The following BAZ2A variants were observed in gnomAD, a reference collection of about 807,000 sequenced individuals.
BAZ2A encodes bromodomain adjacent to zinc finger domain 2A, also known as bromodomain adjacent to zinc finger domain protein 2A.
In BAZ2A, 34 loss-of-function variants were observed where a neutral mutation model predicts 199.9. The observed-to-expected ratio is 0.17, with a 90% CI of 0.13 to 0.23. The LOEUF (loss-of-function observed/expected upper bound fraction) is 0.23, where lower values mean the gene tolerates loss of function less well. Ranked by LOEUF, BAZ2A falls within the 10% of genes least tolerant of loss-of-function variation. The probability of loss-of-function intolerance (pLI) is 1.00; values close to 1 mark genes in which losing one functional copy is unlikely to be tolerated. For synonymous variants in BAZ2A, 857 were observed against 883.9 expected, an observed-to-expected ratio of 0.97 and a Z score of 0.54; for missense variants, 2,002 against 2,391.1, an observed-to-expected ratio of 0.84 and a Z score of 3.39.
intron 5 of BAZ2A, 29 bp from the exon 6 acceptor site, chr12:56,612,275 TAAA>T (rs749609490): frequency 4.0e-6 from 5 of 1,253,346 alleles, no homozygotes; most frequent in Non-Finnish European, 3.3e-6. Context: ...GGATAGGCTT[TAAA>T]AAAAAAAAAG....
At chr12:56,632,809 G>A (rs927609167), upstream of BAZ2A, among the ~76,000 whole-genome samples, 3 of 152,112 alleles carry the variant, frequency 2.0e-5, no homozygotes, top group African/African-American at 7.2e-5. Context: ...AGGTTGGGGT[G>A]ACAGTGTGCC....
chr12:56,599,085 G>A, intron 27 of BAZ2A, 44 bp downstream of exon 27: 1 of 1,598,044 alleles, frequency 6.3e-7, no homozygotes, highest in Non-Finnish European at 8.5e-7. Context: ...CTTTCCTCTG[G>A]CAGAGGTAGA....
rs1885810270 is a variant in BAZ2A, at chr12:56,596,194, C to T, written c.*2424G>A. The T allele has an allele frequency of 6.5e-6, 1 of 152,856 alleles. No homozygotes were observed. Among genetic ancestry groups the T allele is most frequent in the South Asian group, 2.1e-4 (1 of 4,830 alleles). 9.5% of individuals were successfully genotyped at this position (152,856 alleles called of 1,614,324 possible). The stretch of plus-strand genomic sequence containing the variant: ...TTTTGCTGTAAAAGGAACACAGAAA[C>T]TTGTTGGTGTTGATGGTGTGGTTTC... On this transcript the variant is annotated 3_prime_UTR_variant, in exon 29 of 29. Coordinates refer to ENST00000549884, the MANE Select transcript of BAZ2A (RefSeq NM_001300905.2).
chr12:56,604,558 T>C, intron 15 of BAZ2A, 27 bp downstream of exon 15: 2 of 1,544,806 alleles, frequency 1.3e-6, no homozygotes, highest in Non-Finnish European at 1.8e-6. Flanking sequence ...AGGGATACAA[T>C]GACCATCCCC....
intron 1 of BAZ2A, among the ~76,000 whole-genome samples, chr12:56,622,790 T>C (rs1950960416): frequency 6.6e-6 from 1 of 152,214 alleles, no homozygotes; most frequent in Admixed American, 6.5e-5. Context: ...TAAATGGATC[T>C]TTTAAGAGCT....
chr12:56,609,844 T>C lies in BAZ2A; in HGVS notation c.1984A>G (p.Lys662Glu), dbSNP rs1466016594. ...CCCCGTTTCACCTTGGGGACTTCCT[T>C]AGTCTTAGCCTTCTCAGTGTTTCGA... ...RPRNTEKAKT[K>E]EVPKVKRGRG... is the part of the protein sequence containing the mutation. The change falls in exon 10 of 29, where the codon AAG becomes GAG. Residue 662 changes from lysine (K) to glutamate (E), a missense_variant. By Grantham distance (56) the Lys-to-Glu change is moderately conservative. Transcript: ENST00000549884. 1.2e-6 allele frequency: 2 copies of C among 1,613,850 alleles called. No homozygotes were observed. Among genetic ancestry groups the C allele is most frequent in the Admixed American group, 1.7e-5 (1 of 60,012 alleles).
rs376866712 is a variant in BAZ2A, at chr12:56,598,628, G to C, written c.5702C>G (p.Ala1901Gly). ...RWEEFYQGKQ[A>G]NL ...CCCACCTCCCTTGCCTCACAGATTG[G>C]CCTGTTTTCCCTGATAAAACTCCTC... Residue 1901 changes from alanine to glycine, a missense_variant, in exon 29 of 29, where the codon GCC (alanine) becomes GGC (glycine). Transcript: ENST00000549884. The C allele has an allele frequency of 2.5e-4, 408 of 1,613,576 alleles. No homozygotes were observed. Among genetic ancestry groups the C allele is most frequent in the Non-Finnish European group, 3.3e-4 (389 of 1,179,828 alleles).
chr12:56,633,811 C>T (rs773398388), upstream of BAZ2A, among the ~76,000 whole-genome samples: 15 of 152,170 alleles, frequency 9.9e-5, no homozygotes, highest in African/African-American at 3.1e-4. Flanking sequence ...GATCTCAGCT[C>T]GCTGCAACCT....
At chr12:56,625,855 G>GACACAGCGAA (rs1951077941) in intron 1 of BAZ2A, among the ~76,000 whole-genome samples, 1 of 119,472 alleles carries the variant, frequency 8.4e-6, no homozygotes, top group Non-Finnish European at 1.6e-5. Flanking sequence ...CAGCCTGGGC[G>GACACAGCGAA]ACACAGCGAA....
At chr12:56,630,338 G>C (rs1046008463), upstream of BAZ2A, 5 of 956,124 alleles carry the variant, frequency 5.2e-6, no homozygotes, top group Admixed American at 2.5e-4. Context: ...AGTCGGAGCC[G>C]GAGGGGGCGG....
chr12:56,616,241 C>A (rs1950719769), intron 2 of BAZ2A, among the ~76,000 whole-genome samples: 1 of 152,068 alleles, frequency 6.6e-6, no homozygotes, highest in South Asian at 2.1e-4. Context: ...TTTGCAGACT[C>A]CCTACAGTGA....
rs747900336 is a variant in BAZ2A at position 56,600,092 on chromosome 12, A to T, written c.4897T>A (p.Tyr1633Asn). ...ACACGAATGCGAGGGGTGATCTCAT[A>T]TGATCTGGAGGGAGAAAGTGGTGAT... ...APEGTTTEIS[Y>N]EITPRIRVWR... The change falls in exon 25 of 29, where the codon TAT becomes AAT. Residue 1633 changes from tyrosine to asparagine, a missense_variant. Coordinates refer to ENST00000549884, the MANE Select transcript of BAZ2A (RefSeq NM_001300905.2). 4.3e-6 allele frequency: 7 copies of T among 1,613,882 alleles called. No homozygotes were observed. Among genetic ancestry groups the T allele is most frequent in the Non-Finnish European group, 5.1e-6 (6 of 1,179,882 alleles).
At position 56,615,326 on chromosome 12, in the gene BAZ2A, G is replaced by T. The variant is rs761674707; in HGVS notation, c.418C>A (p.Leu140Ile). 3 of 1,613,814 alleles carry T rather than the reference G, an allele frequency of 1.9e-6. No individual in the cohort carries two copies. The South Asian group carries it at 3.3e-5, about 18-fold the overall frequency. Reference protein sequence around the residue: ...QPSSPSHNTNLRAGSQEFWAN... With the variant: ...QPSSPSHNTNIRAGSQEFWAN... Reference sequence around the variant, plus strand: ...CAGAACTCTTGGCTCCCAGCCCGAAGGTTAGTGTTATGACTTGGGGATGAA... The same window carrying T: ...CAGAACTCTTGGCTCCCAGCCCGAATGTTAGTGTTATGACTTGGGGATGAA... Residue 140 changes from leucine to isoleucine, a missense_variant, in exon 3 of 29, where the codon CTT (leucine) becomes ATT (isoleucine). Physicochemically the swap from Leu to Ile is conservative, Grantham distance 5 (BLOSUM62 2). This residue lies in a region of BAZ2A where 641 missense variants were observed against 694.5 expected (regional missense o/e 0.92). Coordinates refer to ENST00000549884, the MANE Select transcript of BAZ2A (RefSeq NM_001300905.2).
intron 10 of BAZ2A, among the ~76,000 whole-genome samples, chr12:56,608,534 T>C (rs1592579312): frequency 6.6e-6 from 1 of 152,044 alleles, no homozygotes; most frequent in Non-Finnish European, 1.5e-5. Flanking sequence ...TTCTCACCTG[T>C]CCATCCACTA....
rs1886314499 is a variant in BAZ2A at position 56,600,228 on chromosome 12, C to A, written c.4865G>T (p.Gly1622Val). Residue 1622 changes from glycine (G) to valine (V), a missense_variant, in exon 24 of 29, where the codon GGT becomes GTT. This residue lies in a region of BAZ2A where 1,081 missense variants were observed against 1,274.7 expected (regional missense o/e 0.85). Transcript: ENST00000549884. ...CTCTGTAGTGGTGCCCTCAGGGGCA[C>A]CATTAGGTGTGCTAAGCAGGGCCTT... ...LEKALLSTPN[G>V]APEGTTTEIS... The A allele has an allele frequency of 3.1e-6, 5 of 1,613,932 alleles. No individual in the cohort carries two copies. Among genetic ancestry groups the A allele is most frequent in the Non-Finnish European group, 4.2e-6 (5 of 1,179,866 alleles).
chr12:56,604,566 C>A lies in BAZ2A; in HGVS notation c.2963+19G>T, dbSNP rs569880395. 3 of 1,554,090 alleles carry A rather than the reference C, an allele frequency of 1.9e-6. No individual in the cohort carries two copies. The highest frequency in any genetic ancestry group is 2.4e-5 in the East Asian group (1 of 41,674). ...TGATGCAAGGGATACAATGACCATC[C>A]CCACTCCCAGCCTCTCACTTGATGA... On this transcript the variant is annotated intron_variant, in intron 15 of 28. Transcript: ENST00000549884.
chr12:56,630,600 A>G (rs773842628), upstream of BAZ2A, among the ~76,000 whole-genome samples: 2 of 152,272 alleles, frequency 1.3e-5, no homozygotes, highest in Non-Finnish European at 2.9e-5. Flanking sequence ...CCAAACGTCT[A>G]GGCCCAAAGG....
chr12:56,602,930 C>T (rs1421368729), intron 18 of BAZ2A, 73 bp from the exon 19 acceptor site: 6 of 1,471,008 alleles, frequency 4.1e-6, no homozygotes, highest in African/African-American at 1.4e-5. Context: ...TCCAGTATAT[C>T]AGAGAAAGGC....
intron 1 of BAZ2A, among the ~76,000 whole-genome samples, chr12:56,627,951 G>A (rs1470824441): frequency 6.6e-6 from 1 of 151,842 alleles, no homozygotes; most frequent in East Asian, 1.9e-4. Flanking sequence ...GGAGGCCGAG[G>A]TGGGTAGATC....
Sources: gnomAD v4.1 joint callset for allele counts (sites outside exome capture counted in the v4.1 genomes callset) on GRCh38, gnomAD v4.1.1 for gene constraint, gnomAD v4.1.1 regional missense constraint, MANE v1.5 for transcripts, NCBI Gene and HGNC (gene_info 2026-07-23, HGNC 2026-07-21) for gene names.